The following NEMP2 variants were observed in gnomAD, a reference collection of about 807,000 sequenced individuals.
The protein encoded by NEMP2 is UPF0571 transmembrane protein.
Under a neutral mutation model 54.2 loss-of-function variants are expected in NEMP2, and 53 were observed. The ratio of observed to expected loss-of-function variants is 0.98; its 90% confidence interval spans 0.78 to 1.23. NEMP2 has a LOEUF of 1.23. Among genes scored for constraint, NEMP2 ranks in the 50% most tolerant of loss-of-function variants. The pLI is 0.00. For missense variants in NEMP2, 455 were observed against 511.3 expected (o/e 0.89, Z 1.06); for synonymous variants, 197 against 190.3 (o/e 1.04, Z -0.29).
At chr2:190,493,880 G>A in the NEMP2 span, among the ~76,000 whole-genome samples, 1 of 152,092 alleles carries the variant, frequency 6.6e-6, no homozygotes, top group African/African-American at 2.4e-5. Flanking sequence ...TAAGGGGAAA[G>A]GTCATAGCCT....
rs977220987 is a variant in NEMP2 at position 190,510,393 on chromosome 2, C to T, written c.1098G>A (p.Trp366Ter). The change falls in exon 8 of 9, where the codon TGG (tryptophan) becomes TGA (stop). Residue 366 changes from tryptophan to a stop codon, truncating the protein, a stop_gained. Transcript: ENST00000409150. LOFTEE classifies it high-confidence loss of function. This position sits in a 1 kb window ranked among gnomAD's most constrained non-coding sequence, Gnocchi z 5.7. ...RACRKPDFPS[W>*]LVVSRLHTPS... is the part of the protein sequence containing the mutation. ...GAGTGTGGAGTCTGGAGACGACCAG[C>T]CATGAGGGAAAGTCGGGTTTTCGGC... 2.3e-5 allele frequency: 36 copies of T among 1,551,574 alleles called. No individual in the cohort carries two copies. The African/African-American group carries it at 4.7e-4, about 20-fold the overall frequency.
the NEMP2 span, among the ~76,000 whole-genome samples, chr2:190,438,113 T>G: frequency 1.5e-3 from 235 of 152,272 alleles, 1 homozygote; most frequent in African/African-American, 5.3e-3. The surrounding 1 kb of genome is among the most constrained non-coding windows in gnomAD (Gnocchi z 5.2). Context: ...GTATTTTTTT[T>G]GGGTTATTAC....
the NEMP2 span, among the ~76,000 whole-genome samples, chr2:190,615,243 C>T: frequency 3.9e-5 from 6 of 152,152 alleles, no homozygotes; most frequent in Non-Finnish European, 8.8e-5. This position sits in a 1 kb window ranked among gnomAD's most constrained non-coding sequence, Gnocchi z 4.7. Context: ...TGCTCCTGAC[C>T]GAGAAGCTAC....
the NEMP2 span, among the ~76,000 whole-genome samples, chr2:190,468,478 G>C: frequency 6.7e-6 from 1 of 150,128 alleles, no homozygotes; most frequent in Non-Finnish European, 1.5e-5. Context: ...TTTGAGACAG[G>C]GTCTTGCTCT....
the NEMP2 span, among the ~76,000 whole-genome samples, chr2:190,599,270 T>A: frequency 2.0e-5 from 3 of 152,294 alleles, no homozygotes; most frequent in South Asian, 6.2e-4. Context: ...CTTATATGAC[T>A]CAAAGATGTG....
chr2:190,475,754 G>A, the NEMP2 span, among the ~76,000 whole-genome samples: 2 of 152,162 alleles, frequency 1.3e-5, no homozygotes, highest in African/African-American at 4.8e-5. Flanking sequence ...GCATTGCCAA[G>A]TGAATCCTAA....
At chr2:190,595,276 T>C in the NEMP2 span, among the ~76,000 whole-genome samples, 1 of 152,152 alleles carries the variant, frequency 6.6e-6, no homozygotes, top group Admixed American at 6.6e-5. The surrounding 1 kb of genome is among the most constrained non-coding windows in gnomAD (Gnocchi z 4.0). Context: ...AAGACTTAAA[T>C]GTAAAACCTA....
chr2:190,437,345 T>A, the NEMP2 span: 1 of 1,614,262 alleles, frequency 6.2e-7, no homozygotes, highest in Non-Finnish European at 8.5e-7. This position sits in a 1 kb window ranked among gnomAD's most constrained non-coding sequence, Gnocchi z 5.9. Flanking sequence ...TGGGACTTAA[T>A]CAAGCTGCTC....
rs561702576 is a variant in NEMP2 at position 190,509,559 on chromosome 2, C to T, written c.1131-247G>A. Among the ~76,000 whole-genome samples the T allele has an allele frequency of 5.0e-4, 76 of 152,250 alleles. No homozygotes were observed. Among genetic ancestry groups the T allele is most frequent in the Admixed American group, 1.1e-3 (17 of 15,282 alleles). ...ACTAAGTAAGCCAAATGTACTCACT[C>T]CTGTTTTCTAATTCCTTCTTGTCTC... On this transcript the variant is annotated intron_variant, in intron 8 of 8. Transcript: ENST00000409150. This position sits in a 1 kb window ranked among gnomAD's most constrained non-coding sequence, Gnocchi z 6.1.
the NEMP2 span, among the ~76,000 whole-genome samples, chr2:190,554,720 G>A: frequency 1.1e-4 from 16 of 152,246 alleles, no homozygotes; most frequent in African/African-American, 3.6e-4. This position sits in a 1 kb window ranked among gnomAD's most constrained non-coding sequence, Gnocchi z 5.7. Flanking sequence ...AGGGGCGGTT[G>A]TGGAGGCAGC....
chr2:190,618,145 G>A, the NEMP2 span, among the ~76,000 whole-genome samples: 1 of 152,212 alleles, frequency 6.6e-6, no homozygotes, highest in East Asian at 1.9e-4. Flanking sequence ...TTTGCTTGCA[G>A]CTTATCAGTG....
At chr2:190,627,766 T>G in the NEMP2 span, 1 of 152,242 alleles carries the variant, frequency 6.6e-6, no homozygotes, top group Admixed American at 6.5e-5. This position sits in a 1 kb window ranked among gnomAD's most constrained non-coding sequence, Gnocchi z 4.4. Context: ...TAGGAATTTC[T>G]TATAGAATGC....
At chr2:190,463,816 T>A in the NEMP2 span, 1 of 919,276 alleles carries the variant, frequency 1.1e-6, no homozygotes, top group Admixed American at 6.2e-5. The surrounding 1 kb of genome is among the most constrained non-coding windows in gnomAD (Gnocchi z 4.4). Flanking sequence ...CAAGACCCTG[T>A]CTCAAAAATA....
the NEMP2 span, among the ~76,000 whole-genome samples, chr2:190,567,268 T>C: frequency 3.3e-5 from 5 of 150,748 alleles, no homozygotes; most frequent in African/African-American, 1.2e-4. This position sits in a 1 kb window ranked among gnomAD's most constrained non-coding sequence, Gnocchi z 4.0. Flanking sequence ...ATGAGTAGAT[T>C]AACAATAAGA....
chr2:190,450,185 T>C, the NEMP2 span, among the ~76,000 whole-genome samples: 1 of 152,162 alleles, frequency 6.6e-6, no homozygotes, highest in Non-Finnish European at 1.5e-5. Context: ...GTTTTTATTG[T>C]ACAAGTCAAA....
At chr2:190,482,864 TCATC>T in the NEMP2 span, among the ~76,000 whole-genome samples, 1 of 125,782 alleles carries the variant, frequency 8.0e-6, no homozygotes, top group African/African-American at 2.9e-5. Context: ...ATTAAGACTA[TCATC>T]TTTTTTTTTT....
At chr2:190,599,658 G>C in the NEMP2 span, among the ~76,000 whole-genome samples, 1 of 152,036 alleles carries the variant, frequency 6.6e-6, no homozygotes, top group East Asian at 1.9e-4. Context: ...CGGTTTACTT[G>C]GCTGTGTAGG....
At chr2:190,641,895 A>C in the NEMP2 span, among the ~76,000 whole-genome samples, 1 of 152,244 alleles carries the variant, frequency 6.6e-6, no homozygotes, top group Non-Finnish European at 1.5e-5. Flanking sequence ...CTAATCCTTA[A>C]AAAATTTCCC....
chr2:190,647,836 T>C, the NEMP2 span, among the ~76,000 whole-genome samples: 2 of 146,926 alleles, frequency 1.4e-5, no homozygotes, highest in African/African-American at 5.0e-5. Context: ...CGCCTCAGCC[T>C]CCCAAGCAGC....
Sources: allele counts gnomAD v4.1 joint callset (sites outside exome capture counted in the v4.1 genomes callset), GRCh38; gene constraint gnomAD v4.1.1; non-coding constraint Gnocchi (gnomAD v3.1); transcripts MANE v1.5; gene names NCBI Gene and HGNC (gene_info 2026-07-23, HGNC 2026-07-21).